Variants in SWT1 observed in about 807,000 individuals in gnomAD.
SWT1 encodes the protein SWT1 RNA endoribonuclease homolog.
SWT1 carries 33 observed loss-of-function variants against 107.3 expected under a neutral mutation model. The observed-to-expected ratio is 0.31, with a 90% CI of 0.23 to 0.41. The LOEUF is 0.41. SWT1 is among the 10% of genes least tolerant of loss of function. The probability of loss-of-function intolerance (pLI) is 1.00; values close to 1 mark genes in which losing one functional copy is unlikely to be tolerated. For missense variants in SWT1, 898 were observed against 1,028.9 expected (o/e 0.87, Z 1.74); for synonymous variants, 345 against 348.3 (o/e 0.99, Z 0.11).
At chr1:185,172,289 CT>C (rs1272543183) in intron 4 of SWT1, among the ~76,000 whole-genome samples, 1 of 152,100 alleles carries the variant, frequency 6.6e-6, no homozygotes, top group Non-Finnish European at 1.5e-5. Flanking sequence ...CCTTTCTGGC[CT>C]TTTTACTATG....
chr1:185,184,399 A>G (rs1236618136), intron 8 of SWT1, 55 bp downstream of exon 8: 5 of 1,046,592 alleles, frequency 4.8e-6, no homozygotes, highest in Non-Finnish European at 7.1e-6. Flanking sequence ...TTGATATTTT[A>G]TATTAACAAT....
At chr1:185,290,560 C>T in intron 18 of SWT1, 114 bp from the exon 19 acceptor site, 1 of 662,604 alleles carries the variant, frequency 1.5e-6, no homozygotes, top group Non-Finnish European at 2.2e-6. Context: ...TCATGTTATA[C>T]ATAATATATA....
At position 185,214,662 on chromosome 1, in the gene SWT1, T is replaced by C. The variant is rs1249206466; in HGVS notation, c.2121+7T>C. The C allele has an allele frequency of 6.2e-7, 1 of 1,600,968 alleles. No homozygotes were observed. The highest frequency in any genetic ancestry group is 8.5e-7 in the Non-Finnish European group (1 of 1,175,522). On this transcript the variant is annotated splice_region_variant and intron_variant, in intron 14 of 18. Transcript: ENST00000367500. ...CCTTCAGACATTTGCAGAGGTAAGA[T>C]GCCTTTGGAATGCCAGTTAGAGTAG... is the stretch of plus-strand genomic sequence containing the variant.
At chr1:185,166,422 C>G in intron 2 of SWT1, 150 bp from the exon 3 acceptor site, 1 of 524,030 alleles carries the variant, frequency 1.9e-6, no homozygotes, top group Middle Eastern at 4.6e-4. Context: ...TTCCTTTTAC[C>G]AAAGTTTGTG....
intron 2 of SWT1, among the ~76,000 whole-genome samples, chr1:185,166,121 C>A (rs538590477): frequency 2.4e-4 from 37 of 152,318 alleles, no homozygotes; most frequent in African/African-American, 8.7e-4. Context: ...TTTTGACCTT[C>A]ATGAAGAACT....
intron 18 of SWT1, among the ~76,000 whole-genome samples, chr1:185,284,626 T>C (rs1040734272): frequency 1.3e-5 from 2 of 152,132 alleles, no homozygotes; most frequent in African/African-American, 4.8e-5. Context: ...TAATACAAAG[T>C]TATTTGACAG....
chr1:185,265,484 C>T (rs912327092), intron 16 of SWT1, among the ~76,000 whole-genome samples: 1 of 152,152 alleles, frequency 6.6e-6, no homozygotes, highest in African/African-American at 2.4e-5. Flanking sequence ...CCGAGTTTAT[C>T]AATAACATAA....
chr1:185,286,963 ACTG>A (rs1293633212), intron 18 of SWT1, among the ~76,000 whole-genome samples: 1 of 152,146 alleles, frequency 6.6e-6, no homozygotes, highest in Non-Finnish European at 1.5e-5. Flanking sequence ...GCTATTATAT[ACTG>A]CTTTTATATT....
intron 10 of SWT1, among the ~76,000 whole-genome samples, chr1:185,193,167 T>C (rs1265964969): frequency 6.6e-6 from 1 of 152,226 alleles, no homozygotes; most frequent in Non-Finnish European, 1.5e-5. Flanking sequence ...TAGATGTTTG[T>C]TGCCTAATTC....
intron 16 of SWT1, among the ~76,000 whole-genome samples, chr1:185,261,694 G>C (rs1462421036): frequency 1.3e-5 from 2 of 149,664 alleles, no homozygotes; most frequent in Non-Finnish European, 3.0e-5. Flanking sequence ...TTTTTAAATA[G>C]TAGTCATCCT....
rs151249647 is a variant in SWT1, at chr1:185,227,247, G to A, written c.2310-4330G>A. On this transcript the variant is annotated intron_variant, in intron 15 of 18. Transcript: ENST00000367500. ...AACTTTATTGCCAGTGGTAATTCTG[G>A]CAAGACCTGCATCCAAATAGCAGGT... 1,909 of 768,588 alleles carry A rather than the reference G, an allele frequency of 2.5e-3. 36 individuals are homozygous for A. Among genetic ancestry groups the A allele is most frequent in the South Asian group, 0.023 (1,677 of 74,510 alleles). 47.6% of individuals were successfully genotyped at this position (768,588 alleles called of 1,614,324 possible).
intron 10 of SWT1, among the ~76,000 whole-genome samples, chr1:185,191,696 A>G (rs1037470733): frequency 1.3e-5 from 2 of 152,192 alleles, no homozygotes; most frequent in African/African-American, 2.4e-5. Flanking sequence ...GAAGGCTGAA[A>G]TAGAATTAAT....
chr1:185,183,799 C>T (rs1480062544), intron 7 of SWT1, among the ~76,000 whole-genome samples: 22 of 152,162 alleles, frequency 1.4e-4, no homozygotes, highest in Non-Finnish European at 3.1e-4. Context: ...ACTATTCTTT[C>T]TCTTAAGAAT....
At chr1:185,276,969 T>G (rs1241262865) in intron 18 of SWT1, among the ~76,000 whole-genome samples, 1 of 152,200 alleles carries the variant, frequency 6.6e-6, no homozygotes, top group Non-Finnish European at 1.5e-5. Context: ...TAGCTATATT[T>G]GCTGTATTAA....
intron 17 of SWT1, among the ~76,000 whole-genome samples, chr1:185,275,862 G>T (rs751466159): frequency 1.3e-5 from 2 of 151,794 alleles, no homozygotes; most frequent in Non-Finnish European, 2.9e-5. Context: ...TAAATTAGGG[G>T]GTATCATTCT....
intron 16 of SWT1, among the ~76,000 whole-genome samples, chr1:185,239,118 A>G (rs941952572): frequency 2.0e-5 from 3 of 152,042 alleles, no homozygotes; most frequent in African/African-American, 7.2e-5. Flanking sequence ...TTGGCCTTTC[A>G]GTTAAAGAAG....
At chr1:185,237,724 G>A (rs902617645) in intron 16 of SWT1, among the ~76,000 whole-genome samples, 1 of 152,054 alleles carries the variant, frequency 6.6e-6, no homozygotes. Context: ...TAAAGTAACA[G>A]TGGTTGGGCC....
intron 18 of SWT1, among the ~76,000 whole-genome samples, chr1:185,282,595 T>A (rs781229261): frequency 6.6e-6 from 1 of 151,668 alleles, no homozygotes; most frequent in African/African-American, 2.4e-5. Flanking sequence ...GAGGAGGGAG[T>A]TGTTGTGGGA....
intron 4 of SWT1, among the ~76,000 whole-genome samples, chr1:185,169,924 G>C (rs531695021): frequency 6.6e-6 from 1 of 152,248 alleles, no homozygotes; most frequent in Admixed American, 6.5e-5. Context: ...AAGAGCTATT[G>C]ATGCCTCAGT....
Sources: gnomAD v4.1 joint callset for allele counts (sites outside exome capture counted in the v4.1 genomes callset) on GRCh38, gnomAD v4.1.1 for gene constraint, MANE v1.5 for transcripts, NCBI Gene and HGNC (gene_info 2026-07-23, HGNC 2026-07-21) for gene names.